SYN2: variants seen among roughly 807,000 people sequenced by gnomAD.
The protein encoded by SYN2 is synapsin-2.
In SYN2, 19 loss-of-function variants were observed where a neutral mutation model predicts 50.9. The ratio of observed to expected loss-of-function variants is 0.37; its 90% confidence interval spans 0.26 to 0.55. SYN2 has a LOEUF of 0.55. Among genes scored for constraint, SYN2 ranks in the 20% least tolerant of loss-of-function variants. SYN2 has a pLI of 0.81. For missense variants in SYN2, 587 were observed against 576.4 expected (o/e 1.02, Z -0.19); for synonymous variants, 255 against 224.9 (o/e 1.13, Z -1.20).
At chr3:12,143,335 A>T (rs908747228) in intron 3 of SYN2, among the ~76,000 whole-genome samples, 3 of 152,150 alleles carry the variant, frequency 2.0e-5, no homozygotes, top group Non-Finnish European at 4.4e-5. Context: ...TTGTTACACG[A>T]ATTATGTACA....
intron 1 of SYN2, among the ~76,000 whole-genome samples, chr3:12,076,866 A>G (rs1434889174): frequency 6.6e-6 from 1 of 152,118 alleles, no homozygotes; most frequent in Non-Finnish European, 1.5e-5. Flanking sequence ...CAACATGTCA[A>G]ATGCCTCTGT....
chr3:12,138,303 A>G (rs1468124528), intron 1 of SYN2, among the ~76,000 whole-genome samples: 1 of 152,216 alleles, frequency 6.6e-6, no homozygotes, highest in African/African-American at 2.4e-5. Context: ...CAACAGGACA[A>G]ATTACCTTAA....
intron 1 of SYN2, among the ~76,000 whole-genome samples, chr3:12,068,693 T>TC (rs936611824): frequency 3.3e-5 from 5 of 152,022 alleles, no homozygotes; most frequent in Non-Finnish European, 1.5e-5. Context: ...AGTTTTTTTT[T>TC]CTGTATTTTT....
chr3:12,112,087 A>G (rs1696329799), intron 1 of SYN2, among the ~76,000 whole-genome samples: 1 of 152,168 alleles, frequency 6.6e-6, no homozygotes, highest in Non-Finnish European at 1.5e-5. Flanking sequence ...GAGGGGGAGC[A>G]GTGTTTGTCA....
chr3:12,010,238 C>T (rs1693888308), intron 1 of SYN2, among the ~76,000 whole-genome samples: 2 of 152,232 alleles, frequency 1.3e-5, no homozygotes, highest in African/African-American at 4.8e-5. Context: ...GCGTTCCTAT[C>T]TACCTAAGGT....
Position 12,169,853 on chromosome 3 carries a change from T to C in SYN2, c.1255T>C (p.Ser419Pro). The C allele has an allele frequency of 6.2e-7, 1 of 1,613,496 alleles. No homozygotes were observed. Among genetic ancestry groups the C allele is most frequent in the Non-Finnish European group, 8.5e-7 (1 of 1,179,692 alleles). Residue 419 changes from serine to proline, a missense_variant, in exon 10 of 13, where the codon TCC becomes CCC. Ser to Pro is a moderately conservative substitution (Grantham distance 74, BLOSUM62 -1). Transcript: ENST00000621198. ...LVISKMNQLL[S>P]RTPALSPQRP... ...CATCAGCAAGATGAACCAGCTGCTG[T>C]CCAGGACTCCTGCCCTGTCTCCTCA...
intron 1 of SYN2, among the ~76,000 whole-genome samples, chr3:12,039,531 G>A: frequency 7.3e-6 from 1 of 137,416 alleles, no homozygotes; most frequent in East Asian, 2.5e-4. Context: ...CTGCAGATGA[G>A]AAAACAAAGA....
At chr3:12,090,328 G>A (rs945418816) in intron 1 of SYN2, among the ~76,000 whole-genome samples, 2 of 152,022 alleles carry the variant, frequency 1.3e-5, no homozygotes, top group Non-Finnish European at 2.9e-5. Context: ...CTTTATGAAT[G>A]TATAAACGAA....
intron 1 of SYN2, among the ~76,000 whole-genome samples, chr3:12,093,863 T>TC (rs1007760382): frequency 6.6e-5 from 10 of 151,310 alleles, no homozygotes; most frequent in Non-Finnish European, 1.5e-5. Flanking sequence ...CCTGCAATTT[T>TC]TTTTTTTTTT....
At chr3:12,061,833 G>GAC (rs1433340813) in intron 1 of SYN2, among the ~76,000 whole-genome samples, 2 of 151,904 alleles carry the variant, frequency 1.3e-5, no homozygotes, top group Non-Finnish European at 2.9e-5. Flanking sequence ...ATAAATTCAA[G>GAC]ACGTATAAGC....
At chr3:12,080,513 G>C (rs973462405) in intron 1 of SYN2, among the ~76,000 whole-genome samples, 3 of 151,942 alleles carry the variant, frequency 2.0e-5, no homozygotes, top group African/African-American at 7.2e-5. Context: ...CTTTGTTCTC[G>C]TTGGCTTCAA....
intron 1 of SYN2, among the ~76,000 whole-genome samples, chr3:12,121,029 T>C (rs1422623999): frequency 2.6e-5 from 4 of 152,232 alleles, no homozygotes; most frequent in African/African-American, 9.6e-5. Context: ...GTACAGTAAC[T>C]TTACACATAC....
Position 12,161,550 on chromosome 3 carries a change from C to T in SYN2, c.779C>T (p.Thr260Ile). Residue 260 changes from threonine (T) to isoleucine (I), a missense_variant, in exon 6 of 13, where the codon ACA becomes ATA. Thr to Ile is a moderately conservative substitution (Grantham distance 89). Transcript: ENST00000621198. The stretch of plus-strand genomic sequence containing the variant: ...TCATTTCTCTTCTGATTTCAGCTGA[C>T]ACTGCCCACGTTCCCTGTGGTGGTG... ...TYYPNHKEML[T>I]LPTFPVVVKI... 6.2e-7 allele frequency: 1 copy of T among 1,614,034 alleles called. No homozygotes were observed. The highest frequency in any genetic ancestry group is 8.5e-7 in the Non-Finnish European group (1 of 1,179,898).
chr3:12,071,983 A>G (rs373023720), intron 1 of SYN2, among the ~76,000 whole-genome samples: 6 of 152,188 alleles, frequency 3.9e-5, no homozygotes, highest in African/African-American at 9.6e-5. Context: ...GCAATTCTCA[A>G]TTCTTCAAAG....
At chr3:12,126,718 AT>A (rs1411685828) in intron 1 of SYN2, among the ~76,000 whole-genome samples, 9 of 152,170 alleles carry the variant, frequency 5.9e-5, no homozygotes, top group African/African-American at 2.2e-4. Flanking sequence ...TTATCTGTAA[AT>A]TTGGGAGATA....
chr3:12,092,170 T>C (rs1302733425), intron 1 of SYN2, among the ~76,000 whole-genome samples: 1 of 151,238 alleles, frequency 6.6e-6, no homozygotes, highest in Non-Finnish European at 1.5e-5. Context: ...GAATCTGAAC[T>C]TTTTTTAGAC....
At chr3:12,069,351 C>G (rs540994587) in intron 1 of SYN2, among the ~76,000 whole-genome samples, 1 of 151,988 alleles carries the variant, frequency 6.6e-6, no homozygotes, top group African/African-American at 2.4e-5. Context: ...CGGGTTCAAG[C>G]TGTTCTCCTG....
intron 1 of SYN2, among the ~76,000 whole-genome samples, chr3:12,112,917 A>T (rs1696355397): frequency 6.6e-6 from 1 of 152,210 alleles, no homozygotes; most frequent in Non-Finnish European, 1.5e-5. Flanking sequence ...GAGAGGAATG[A>T]TCATCATGGG....
intron 1 of SYN2, among the ~76,000 whole-genome samples, chr3:12,061,575 T>G (rs1340398755): frequency 1.3e-5 from 2 of 152,064 alleles, no homozygotes; most frequent in Non-Finnish European, 2.9e-5. Flanking sequence ...AAATTAAAGC[T>G]ATATATTTTG....
Sources: gnomAD v4.1 joint callset for allele counts (sites outside exome capture counted in the v4.1 genomes callset) on GRCh38, gnomAD v4.1.1 for gene constraint, MANE v1.5 for transcripts, NCBI Gene and HGNC (gene_info 2026-07-23, HGNC 2026-07-21) for gene names.